RPLP0: variants seen among roughly 807,000 people sequenced by gnomAD.
RPLP0 encodes the protein large ribosomal subunit protein uL10.
For missense variants in RPLP0, 276 were observed against 402.9 expected, an observed-to-expected ratio of 0.69 and a Z score of 2.70; for synonymous variants, 137 against 153.4, an observed-to-expected ratio of 0.89 and a Z score of 0.79.
At chr12:120,197,773 T>G (rs1453452625) in intron 6 of RPLP0, 1 of 301,658 alleles carries the variant, frequency 3.3e-6, no homozygotes, top group African/African-American at 2.1e-5. Context: ...CGAAAAATGT[T>G]CAACGATTTC....
intron 2 of RPLP0, 161 bp from the exon 3 acceptor site, chr12:120,199,646 G>T: frequency 1.5e-6 from 1 of 665,894 alleles, no homozygotes; most frequent in Non-Finnish European, 2.5e-6. Flanking sequence ...CTGCCAAACT[G>T]GATGATTGGC....
intron 7 of RPLP0, 23 bp from the exon 8 acceptor site, chr12:120,196,957 C>T (rs768337297): frequency 1.4e-5 from 23 of 1,612,414 alleles, no homozygotes; most frequent in Non-Finnish European, 1.9e-5. Context: ...GGGAAGTGGT[C>T]AAAATGGTCA....
chr12:120,196,739 A>C lies in RPLP0; in HGVS notation c.*34T>G, dbSNP rs749239161. On this transcript the variant is annotated 3_prime_UTR_variant, in exon 8 of 8. Transcript: ENST00000392514. ...TAAGCCTTTATTTCCTTGTTTTGCA[A>C]ATAAAACTGGCTAAGTTGGTTGCTT... 8 of 1,530,848 alleles carry C rather than the reference A, an allele frequency of 5.2e-6. No homozygotes were observed. The highest frequency in any genetic ancestry group is 6.2e-6 in the Non-Finnish European group (7 of 1,137,924). The allele number at this position is 1,530,848 out of a possible 1,614,324, so 94.8% of individuals were successfully genotyped here. A position where few individuals can be genotyped will look rare whatever the true frequency, so the allele number is the denominator to read the frequency against.
Position 120,200,760 on chromosome 12 carries a change from G to A in RPLP0, c.24C>T (p.Thr8=). 5 of 1,611,600 alleles carry A rather than the reference G, an allele frequency of 3.1e-6. No individual in the cohort carries two copies. Among genetic ancestry groups the A allele is most frequent in the Non-Finnish European group, 4.2e-6 (5 of 1,179,432 alleles). MPREDRA[T]WKSNYFLKII... is the part of the protein sequence containing the mutation. ...TCTTAAGGAAGTAGTTGGACTTCCA[G>A]GTCGCCCTGTCTTCCCTGGGCATCA... The change falls in exon 2 of 8, where the codon ACC becomes ACT. Residue 8 remains threonine (T), a synonymous_variant. Coordinates refer to ENST00000392514, the MANE Select transcript of RPLP0 (RefSeq NM_001002.4).
rs1293566903 is a variant in RPLP0 at position 120,198,398 on chromosome 12, A to AG, written c.651+155_651+156insC. On this transcript the variant is annotated intron_variant, in intron 6 of 7. Transcript: ENST00000392514. This position sits in a 1 kb window ranked among gnomAD's most constrained non-coding sequence, Gnocchi z 4.1. ...AAGACTCTGTCTCCAAAAAAAAAAA[A>AG]AAAAAATCCTTCAACAATCTTATGT... is the stretch of plus-strand genomic sequence containing the variant. The AG allele has an allele frequency of 7.1e-6, 6 of 850,254 alleles. No homozygotes were observed. The highest frequency in any genetic ancestry group is 3.2e-4 in the Middle Eastern group (1 of 3,104). The allele number at this position is 850,254 out of a possible 1,614,324, so 52.7% of individuals were successfully genotyped here.
intron 2 of RPLP0, chr12:120,200,488 C>T (rs1225859372): frequency 2.0e-6 from 1 of 502,920 alleles, no homozygotes; most frequent in African/African-American, 2.0e-5. Context: ...AAAGCGCGCT[C>T]TTTTAGAAGC....
rs1160846777 is a variant in RPLP0, at chr12:120,200,802, A to C, written c.-19T>G. ...TGGGCATCACGGCGGTGCGTCAGGG[A>C]TTGCCACGCAGGGTTTAAAGACGAT... On this transcript the variant is annotated 5_prime_UTR_variant, in exon 2 of 8. Coordinates refer to ENST00000392514, the MANE Select transcript of RPLP0 (RefSeq NM_001002.4). 6.2e-7 allele frequency: 1 copy of C among 1,609,066 alleles called. No homozygotes were observed. Among genetic ancestry groups the C allele is most frequent in the African/African-American group, 1.3e-5 (1 of 74,914 alleles).
chr12:120,198,170 G>A lies in RPLP0; in HGVS notation c.651+384C>T, dbSNP rs371780645. Among the ~76,000 whole-genome samples the A allele has an allele frequency of 6.6e-6, 1 of 152,172 alleles. No individual in the cohort carries two copies. The highest frequency in any genetic ancestry group is 1.9e-4 in the East Asian group (1 of 5,166). On this transcript the variant is annotated intron_variant, in intron 6 of 7. Transcript: ENST00000392514. The surrounding 1 kb of genome is among the most constrained non-coding windows in gnomAD (Gnocchi z 4.1). The stretch of plus-strand genomic sequence containing the variant: ...AGCACTTTGGGAGGCCGAGTTGGGC[G>A]GATCACGAGGTCAGGAGATCGACAC...
intron 6 of RPLP0, 74 bp from the exon 7 acceptor site, chr12:120,197,536 G>T: frequency 6.5e-7 from 1 of 1,532,770 alleles, no homozygotes; most frequent in Non-Finnish European, 8.9e-7. Flanking sequence ...TGAATAAAGA[G>T]AACCCTTAGC....
Position 120,199,129 on chromosome 12 carries a change from G to A in RPLP0, c.307C>T (p.Leu103=). The change falls in exon 4 of 8, where the codon CTG becomes TTG. Residue 103 remains leucine, a synonymous_variant. Transcript: ENST00000392514. ...EDLTEIRDML[L]ANKVPAAARA... ...AATTGTCCCCTTACCTTATTGGCCA[G>A]CAACATGTCCCTGATCTCAGTGAGG... 1 of 1,613,392 alleles carries A rather than the reference G, an allele frequency of 6.2e-7. No individual in the cohort carries two copies. Among genetic ancestry groups the A allele is most frequent in the Non-Finnish European group, 8.5e-7 (1 of 1,179,292 alleles).
chr12:120,200,151 C>T (rs1480407828), intron 2 of RPLP0: 1 of 455,486 alleles, frequency 2.2e-6, no homozygotes, highest in South Asian at 1.5e-5. Context: ...GACCTCAGAC[C>T]TTCTCAAAAA....
In RPLP0 at chr12:120,198,750, T is replaced by C; in HGVS notation, c.466-11A>G. ...CAGCTGCACATCACTCTGAACCAGA[T>C]AATAGTGGGGCAGTAAACACCTGTT... On this transcript the variant is annotated splice_polypyrimidine_tract_variant and intron_variant, in intron 5 of 7. Coordinates refer to ENST00000392514, the MANE Select transcript of RPLP0 (RefSeq NM_001002.4). This position sits in a 1 kb window ranked among gnomAD's most constrained non-coding sequence, Gnocchi z 4.1. 6.2e-7 allele frequency: 1 copy of C among 1,613,480 alleles called. No homozygotes were observed. The highest frequency in any genetic ancestry group is 8.5e-7 in the Non-Finnish European group (1 of 1,179,454).
chr12:120,200,617 A>C lies in RPLP0; in HGVS notation c.54+113T>G, dbSNP rs1035827233. ...TTGTTAACTAAACAGTATTTTCCCAAAAATGGCCTAATTCAGTAGCCGGTG... is the reference window on the plus strand; with the variant it reads ...TTGTTAACTAAACAGTATTTTCCCACAAATGGCCTAATTCAGTAGCCGGTG... On this transcript the variant is annotated intron_variant, in intron 2 of 7. Transcript: ENST00000392514. 2.5e-6 allele frequency: 3 copies of C among 1,200,988 alleles called. No homozygotes were observed. In the African/African-American group the frequency reaches 4.6e-5, roughly 18 times the overall value. The allele number at this position is 1,200,988 out of a possible 1,614,324, so 74.4% of individuals were successfully genotyped here.
Position 120,199,007 on chromosome 12 carries a change from A to G in RPLP0, c.319-7T>C, listed in dbSNP as rs1347808712. ...CACGGGCAGCAGCTGGCACCTGACA[A>G]AGACAACAAACAGTGAGAAAAGCCT... is the stretch of plus-strand genomic sequence containing the variant. On this transcript the variant is annotated splice_region_variant and splice_polypyrimidine_tract_variant and intron_variant, in intron 4 of 7. Coordinates refer to ENST00000392514, the MANE Select transcript of RPLP0 (RefSeq NM_001002.4). 6.2e-7 allele frequency: 1 copy of G among 1,614,142 alleles called. No individual in the cohort carries two copies. Among genetic ancestry groups the G allele is most frequent in the Admixed American group, 1.7e-5 (1 of 60,008 alleles).
At chr12:120,196,998 T>C (rs1473681031) in intron 7 of RPLP0, 64 bp from the exon 8 acceptor site, 1 of 1,603,020 alleles carries the variant, frequency 6.2e-7, no homozygotes, top group African/African-American at 1.3e-5. Context: ...ACCACCCTCC[T>C]GCCTTGGTAG....
In RPLP0 at chr12:120,198,470, A is replaced by G; in HGVS notation, c.651+84T>C. ...GAGGTAGGTAGACAGATGAAAACAC[A>G]GTCCTTGGTTACAGGGACTCAGTCT... On this transcript the variant is annotated intron_variant, in intron 6 of 7. Coordinates refer to ENST00000392514, the MANE Select transcript of RPLP0 (RefSeq NM_001002.4). The surrounding 1 kb of genome is among the most constrained non-coding windows in gnomAD (Gnocchi z 4.1). 1 of 1,435,330 alleles carries G rather than the reference A, an allele frequency of 7.0e-7. No homozygotes were observed. The highest frequency in any genetic ancestry group is 9.8e-7 in the Non-Finnish European group (1 of 1,023,134). 88.9% of individuals were successfully genotyped at this position (1,435,330 alleles called of 1,614,324 possible).
At chr12:120,197,864 A>G (rs753087841) in intron 6 of RPLP0, 24 of 170,020 alleles carry the variant, frequency 1.4e-4, no homozygotes, top group Non-Finnish European at 2.7e-4. Context: ...AATTATATAC[A>G]TTAATTTCAA....
rs1191328993 is a variant in RPLP0, at chr12:120,198,625, C to G, written c.580G>C (p.Asp194His). ...SFGLVIQQVF[D>H]NGSIYNPEVL... Reference sequence around the variant, plus strand: ...TCAGGGTTGTAGATGCTGCCATTGTCGAACACCTGCTGGATGACCAGCCCA... The same window carrying G: ...TCAGGGTTGTAGATGCTGCCATTGTGGAACACCTGCTGGATGACCAGCCCA... Residue 194 changes from aspartate to histidine, a missense_variant, in exon 6 of 8, where the codon GAC (aspartate) becomes CAC (histidine). Asp to His is a moderately conservative substitution (Grantham distance 81). Transcript: ENST00000392514. The surrounding 1 kb of genome is among the most constrained non-coding windows in gnomAD (Gnocchi z 4.1). The G allele has an allele frequency of 1.2e-6, 2 of 1,613,908 alleles. No homozygotes were observed. The highest frequency in any genetic ancestry group is 1.7e-6 in the Non-Finnish European group (2 of 1,180,038).
At chr12:120,200,272 G>A in intron 2 of RPLP0, 2 of 354,718 alleles carry the variant, frequency 5.6e-6, no homozygotes, top group South Asian at 2.1e-5. Context: ...AGACCATCCT[G>A]GCCAACATGG....
Sources: gnomAD v4.1 joint callset for allele counts (sites outside exome capture counted in the v4.1 genomes callset) on GRCh38, gnomAD v4.1.1 for gene constraint, Gnocchi (gnomAD v3.1) non-coding constraint, MANE v1.5 for transcripts, NCBI Gene and HGNC (gene_info 2026-07-23, HGNC 2026-07-21) for gene names.